CFAP299: variants seen among roughly 807,000 people sequenced by gnomAD.
The protein encoded by CFAP299 is cilia- and flagella-associated protein 299.
In CFAP299, 21 loss-of-function variants were observed where a neutral mutation model predicts 27.0. The ratio of observed to expected loss-of-function variants is 0.78; its 90% confidence interval spans 0.55 to 1.12. The LOEUF (loss-of-function observed/expected upper bound fraction) is 1.12. CFAP299 is among the 50% of genes most tolerant of loss of function. The pLI is 0.00. For synonymous variants in CFAP299, 104 were observed against 98.1 expected (o/e 1.06, Z -0.36); for missense variants, 310 against 276.6 (o/e 1.12, Z -0.86).
At chr4:80,639,894 A>G (rs1055780253) in intron 3 of CFAP299, 3 of 151,944 alleles carry the variant, frequency 2.0e-5, no homozygotes, top group Non-Finnish European at 2.9e-5. Flanking sequence ...CTGGTTTCAA[A>G]CTCTTGACCT....
chr4:80,566,393 T>C (rs974848936), intron 2 of CFAP299, among the ~76,000 whole-genome samples: 7 of 152,074 alleles, frequency 4.6e-5, no homozygotes, highest in African/African-American at 1.7e-4. Flanking sequence ...GAGCCTGCAA[T>C]TCCTGAAGAA....
In CFAP299 at chr4:80,514,149, G is replaced by T. The variant is rs143859680; in HGVS notation, c.243-68944G>T. Reference sequence around the variant, plus strand: ...TAGAAATTCCTTTCATGGTCAAAGAGATTTTTTATAATTTTAGACTAACAT... The same window carrying T: ...TAGAAATTCCTTTCATGGTCAAAGATATTTTTTATAATTTTAGACTAACAT... On this transcript the variant is annotated intron_variant, in intron 2 of 5. Coordinates refer to ENST00000358105, the MANE Select transcript of CFAP299 (RefSeq NM_152770.3). Among the ~76,000 whole-genome samples, 41 of 152,058 alleles carry T rather than the reference G, an allele frequency of 2.7e-4. No individual in the cohort carries two copies. The East Asian group carries it at 6.4e-3, about 24-fold the overall frequency.
At chr4:80,889,313 A>C (rs1176702218) in intron 4 of CFAP299, among the ~76,000 whole-genome samples, 1 of 152,048 alleles carries the variant, frequency 6.6e-6, no homozygotes, top group Non-Finnish European at 1.5e-5. Flanking sequence ...CTGATACTGC[A>C]GAAATTCAAA....
At chr4:80,444,291 A>G (rs1728507681) in intron 2 of CFAP299, among the ~76,000 whole-genome samples, 1 of 152,234 alleles carries the variant, frequency 6.6e-6, no homozygotes. Flanking sequence ...CTACAAGGCT[A>G]CAGTAACTAA....
At chr4:80,633,978 A>G (rs1053082375) in intron 3 of CFAP299, among the ~76,000 whole-genome samples, 17 of 149,058 alleles carry the variant, frequency 1.1e-4, no homozygotes, top group Admixed American at 8.7e-4. Context: ...TCCTGAGGAG[A>G]AAACTTTTTT....
At chr4:80,951,597 C>G (rs915653602) in intron 5 of CFAP299, among the ~76,000 whole-genome samples, 3 of 152,160 alleles carry the variant, frequency 2.0e-5, no homozygotes. Context: ...TTCTCAAATT[C>G]ACCAATCAGA....
At chr4:80,653,069 C>T (rs1357528216) in intron 3 of CFAP299, among the ~76,000 whole-genome samples, 1 of 152,110 alleles carries the variant, frequency 6.6e-6, no homozygotes, top group Non-Finnish European at 1.5e-5. Flanking sequence ...CTGCTTAAAA[C>T]TGTGAAGTGA....
chr4:80,511,299 A>G (rs1163779803), intron 2 of CFAP299, among the ~76,000 whole-genome samples: 2 of 152,176 alleles, frequency 1.3e-5, no homozygotes, highest in East Asian at 3.9e-4. Flanking sequence ...ACAGCTTTGT[A>G]TAGATGTTGG....
chr4:80,642,145 A>G (rs951197071), intron 3 of CFAP299, among the ~76,000 whole-genome samples: 3 of 152,130 alleles, frequency 2.0e-5, no homozygotes, highest in Admixed American at 2.0e-4. Flanking sequence ...AAAATACCAC[A>G]CTCAATCTTC....
chr4:80,870,790 G>A (rs1168513673), intron 4 of CFAP299: 1 of 985,164 alleles, frequency 1.0e-6, no homozygotes, highest in South Asian at 4.7e-5. Context: ...ACTCTCCACT[G>A]CTGTATTCAG....
intron 3 of CFAP299, among the ~76,000 whole-genome samples, chr4:80,750,446 A>AC: frequency 6.6e-6 from 1 of 152,332 alleles, no homozygotes; most frequent in South Asian, 2.1e-4. Flanking sequence ...AAATATATGA[A>AC]CAAGAATCTT....
intron 2 of CFAP299, among the ~76,000 whole-genome samples, chr4:80,368,717 A>T (rs1008684851): frequency 1.3e-5 from 2 of 152,182 alleles, no homozygotes; most frequent in Non-Finnish European, 2.9e-5. Flanking sequence ...TTATTTTTGT[A>T]TATCATTTTA....
intron 2 of CFAP299, among the ~76,000 whole-genome samples, chr4:80,408,142 G>T (rs550891878): frequency 6.6e-6 from 1 of 152,158 alleles, no homozygotes; most frequent in South Asian, 2.1e-4. Flanking sequence ...AATTTCTACT[G>T]GGCACATGCT....
At chr4:80,393,872 C>A (rs1164035065) in intron 2 of CFAP299, among the ~76,000 whole-genome samples, 1 of 151,990 alleles carries the variant, frequency 6.6e-6, no homozygotes, top group Non-Finnish European at 1.5e-5. Context: ...AATTTTAATC[C>A]CCATAATCCC....
chr4:80,937,756 T>C (rs1485793236), intron 4 of CFAP299, among the ~76,000 whole-genome samples: 1 of 152,180 alleles, frequency 6.6e-6, no homozygotes. Flanking sequence ...GTGAGGACTT[T>C]TTATTGCCAT....
intron 3 of CFAP299, among the ~76,000 whole-genome samples, chr4:80,823,088 T>G (rs1006752189): frequency 1.3e-5 from 2 of 152,138 alleles, no homozygotes; most frequent in African/African-American, 4.8e-5. Context: ...AAAAGCCAGT[T>G]TGTCTTAAAG....
chr4:80,942,668 CT>C (rs1302585354), intron 4 of CFAP299, among the ~76,000 whole-genome samples: 40 of 152,120 alleles, frequency 2.6e-4, no homozygotes, highest in Non-Finnish European at 5.9e-5. Flanking sequence ...TTCAATAAGA[CT>C]TTTAATTTGG....
chr4:80,937,838 T>C (rs1421274184), intron 4 of CFAP299, among the ~76,000 whole-genome samples: 1 of 152,172 alleles, frequency 6.6e-6, no homozygotes, highest in Non-Finnish European at 1.5e-5. Context: ...TTGAGATTTG[T>C]TAATTTTTTG....
intron 2 of CFAP299, among the ~76,000 whole-genome samples, chr4:80,441,280 A>T (rs1057267718): frequency 1.3e-5 from 2 of 152,184 alleles, no homozygotes; most frequent in African/African-American, 4.8e-5. Context: ...GAAATGAAGG[A>T]AAAAATGTTA....
Sources: gnomAD v4.1 joint callset for allele counts (sites outside exome capture counted in the v4.1 genomes callset) on GRCh38, gnomAD v4.1.1 for gene constraint, MANE v1.5 for transcripts, NCBI Gene and HGNC (gene_info 2026-07-23, HGNC 2026-07-21) for gene names.